Variants in LYPD4 observed in about 807,000 individuals in gnomAD.
LYPD4 encodes the protein ly6/PLAUR domain-containing protein 4.
Under a neutral mutation model 18.2 loss-of-function variants are expected in LYPD4, and 20 were observed. The observed-to-expected ratio is 1.10, with a 90% CI of 0.77 to 1.59. The LOEUF is 1.59. LYPD4 is among the 40% of genes most tolerant of loss of function. The pLI is 0.00. For synonymous variants in LYPD4, 111 were observed against 118.3 expected (o/e 0.94, Z 0.40); for missense variants, 278 against 300.3 (o/e 0.93, Z 0.55).
At chr19:41,843,395 A>G (rs1246330238) in intron 1 of LYPD4, among the ~76,000 whole-genome samples, 183 bp downstream of exon 1, 1 of 152,126 alleles carries the variant, frequency 6.6e-6, no homozygotes, top group Non-Finnish European at 1.5e-5. Flanking sequence ...CATAAGTATT[A>G]GGCAAATGCT....
At chr19:41,842,820 G>C (rs1467115710) in intron 1 of LYPD4, among the ~76,000 whole-genome samples, 23 of 110,690 alleles carry the variant, frequency 2.1e-4, no homozygotes, top group Middle Eastern at 7.1e-3. Context: ...CAGAATGACA[G>C]AATGTGTACA....
In LYPD4 at chr19:41,844,565, A is replaced by T. The variant is rs2073775474; in HGVS notation, c.-1108T>A. 1 of 152,266 alleles carries T rather than the reference A, an allele frequency of 6.6e-6. No homozygotes were observed. The highest frequency in any genetic ancestry group is 2.4e-5 in the African/African-American group (1 of 41,434). The allele number at this position is 152,266 out of a possible 1,614,324, so 9.4% of individuals were successfully genotyped here. A position where few individuals can be genotyped will look rare whatever the true frequency, so the allele number is the denominator to read the frequency against. On this transcript the variant is annotated 5_prime_UTR_variant, in exon 1 of 5. Transcript: ENST00000609812. ...TAGCTCAGGAGTTGTGGGGCACCGGAAGAGACATAACAGAAAACGCAGGCC... is the reference window on the plus strand; with the variant it reads ...TAGCTCAGGAGTTGTGGGGCACCGGTAGAGACATAACAGAAAACGCAGGCC...
chr19:41,838,349 C>T, intron 3 of LYPD4, 88 bp from the exon 4 acceptor site: 1 of 1,194,444 alleles, frequency 8.4e-7, no homozygotes. Context: ...CTGCACCCAC[C>T]CTGCCTGTCA....
downstream of LYPD4, chr19:41,837,021 C>T (rs1600538271): frequency 1.3e-6 from 2 of 1,500,016 alleles, no homozygotes; most frequent in East Asian, 2.4e-5. Context: ...ACATGCTTGG[C>T]CTTCCTCACA....
At position 41,838,134 on chromosome 19, in the gene LYPD4, A is replaced by C; in HGVS notation, c.339T>G (p.Tyr113Ter). 1 of 1,613,644 alleles carries C rather than the reference A, an allele frequency of 6.2e-7. No homozygotes were observed. Among genetic ancestry groups the C allele is most frequent in the South Asian group, 1.1e-5 (1 of 91,044 alleles). The part of the protein sequence containing the change: ...IASYSRVCRS[Y>*]LCNNLTNLEP... ...CCAAATTGGTGAGGTTGTTGCAGAG[A>C]TAAGACCGGCAGACGCGACTGTAGG... Residue 113 changes from tyrosine to a stop codon, truncating the protein, a stop_gained, in exon 4 of 5, where the codon TAT (tyrosine) becomes TAG (stop). Transcript: ENST00000609812. LOFTEE classifies it high-confidence loss of function.
At chr19:41,842,764 C>CAAAAAAAAAAAAAAAAAAAAAAAAAAAAA (rs782233081) in intron 1 of LYPD4, among the ~76,000 whole-genome samples, 1 of 49,794 alleles carries the variant, frequency 2.0e-5, no homozygotes, top group African/African-American at 1.2e-4. Context: ...TCCGTCTAAA[C>CAAAAAAAAAAAAAAAAAAAAAAAAAAAAA]AAAAAAAAAA....
At chr19:41,836,287 C>CAAAAAAA (rs531204341), downstream of LYPD4, among the ~76,000 whole-genome samples, 69 of 19,944 alleles carry the variant, frequency 3.5e-3, 8 homozygotes, top group Middle Eastern at 0.038. Flanking sequence ...GCCAACTTAC[C>CAAAAAAA]AAAAAAAAAA....
At chr19:41,841,186 C>T (rs1600558160) in intron 1 of LYPD4, among the ~76,000 whole-genome samples, 1 of 151,962 alleles carries the variant, frequency 6.6e-6, no homozygotes, top group African/African-American at 2.4e-5. Flanking sequence ...AATCCCAGTG[C>T]TTTGGGAGGC....
chr19:41,838,376 C>T, intron 3 of LYPD4, 115 bp from the exon 4 acceptor site: 1 of 879,742 alleles, frequency 1.1e-6, no homozygotes. Flanking sequence ...GTGCCTCCCT[C>T]CCCAACCCCT....
intron 4 of LYPD4, among the ~76,000 whole-genome samples, chr19:41,837,621 G>A (rs1391307113): frequency 6.6e-6 from 1 of 151,844 alleles, no homozygotes; most frequent in Non-Finnish European, 1.5e-5. Context: ...TTGAACCTGG[G>A]AGGCAGAGGT....
chr19:41,837,068 A>G, downstream of LYPD4: 1 of 1,601,710 alleles, frequency 6.2e-7, no homozygotes, highest in Middle Eastern at 2.2e-4. Context: ...ACCACAGGAC[A>G]ATGCAGAAAG....
At chr19:41,835,664 G>T, downstream of LYPD4, 1 of 425,042 alleles carries the variant, frequency 2.4e-6, no homozygotes, top group Non-Finnish European at 3.1e-6. Flanking sequence ...CACTTGCTGT[G>T]ACTATTCTGG....
At chr19:41,836,633 C>T (rs887229513), downstream of LYPD4, among the ~76,000 whole-genome samples, 2 of 151,822 alleles carry the variant, frequency 1.3e-5, no homozygotes, top group African/African-American at 4.8e-5. Flanking sequence ...CAGTCGCTCC[C>T]ATGTAAAATC....
chr19:41,836,981 G>GCTCC, downstream of LYPD4: 1 of 1,353,278 alleles, frequency 7.4e-7, no homozygotes, highest in Non-Finnish European at 9.8e-7. Flanking sequence ...ACTTTGCCAG[G>GCTCC]CTCCTCTTCC....
chr19:41,839,933 C>T (rs2073522074), intron 1 of LYPD4, among the ~76,000 whole-genome samples: 1 of 151,890 alleles, frequency 6.6e-6, no homozygotes, highest in South Asian at 2.1e-4. Context: ...CCTATAGTCC[C>T]AGCTACTCAG....
intron 1 of LYPD4, among the ~76,000 whole-genome samples, chr19:41,839,963 C>T (rs2073522999): frequency 2.6e-5 from 4 of 151,844 alleles, no homozygotes; most frequent in Middle Eastern, 3.4e-3. Context: ...GCATGAGAAT[C>T]GCTTGAACCC....
At position 41,837,966 on chromosome 19, in the gene LYPD4, C is replaced by A; in HGVS notation, c.507G>T (p.Thr169=). 1.2e-6 allele frequency: 2 copies of A among 1,612,898 alleles called. No individual in the cohort carries two copies. Among genetic ancestry groups the A allele is most frequent in the East Asian group, 2.2e-5 (1 of 44,846 alleles). ...GAAATTTTAAGGTGGAACTGTAACA[C>A]GTAGAAGCAGCCAAGGGGCAAGAAT... The part of the protein sequence containing the change: ...TTNSCPLAAS[T]CYSSTLKFQA... Residue 169 remains threonine, a synonymous_variant, in exon 4 of 5, where the codon ACG becomes ACT. Transcript: ENST00000609812.
At chr19:41,838,328 C>T (rs1600545017) in intron 3 of LYPD4, 67 bp from the exon 4 acceptor site, 1 of 1,367,316 alleles carries the variant, frequency 7.3e-7, no homozygotes, top group African/African-American at 1.5e-5. Context: ...CCTCCCTCCC[C>T]CCAGCTCTTT....
At chr19:41,836,109 C>CAT (rs2073368158), downstream of LYPD4, among the ~76,000 whole-genome samples, 2 of 149,918 alleles carry the variant, frequency 1.3e-5, no homozygotes, top group Admixed American at 1.3e-4. Flanking sequence ...CACACACACA[C>CAT]TCATTCACTC....
Sources: gnomAD v4.1 joint callset for allele counts (sites outside exome capture counted in the v4.1 genomes callset) on GRCh38, gnomAD v4.1.1 for gene constraint, MANE v1.5 for transcripts, NCBI Gene and HGNC (gene_info 2026-07-23, HGNC 2026-07-21) for gene names.